The following NDUFA7 variants were observed in gnomAD, a reference collection of about 807,000 sequenced individuals.
NDUFA7 encodes the protein NADH:ubiquinone oxidoreductase subunit A7, also known as NADH dehydrogenase [ubiquinone] 1 alpha subcomplex subunit 7.
NDUFA7 carries 18 observed loss-of-function variants against 14.2 expected under a neutral mutation model. The ratio of observed to expected loss-of-function variants is 1.27; its 90% CI spans 0.88 to 1.88. NDUFA7 has a LOEUF of 1.88. Ranked by LOEUF, NDUFA7 falls within the 40% of genes most tolerant of loss-of-function variation. NDUFA7 has a pLI of 0.00. For missense variants in NDUFA7, 172 were observed against 147.3 expected (o/e 1.17, Z -0.87); for synonymous variants, 75 against 62.1 (o/e 1.21, Z -0.98).
At chr19:8,321,274 C>T in intron 1 of NDUFA7, 34 bp downstream of exon 1, 2 of 1,522,452 alleles carry the variant, frequency 1.3e-6, no homozygotes, top group East Asian at 2.4e-5. Context: ...GAGCCCGAAG[C>T]CCCCCATGGT....
chr19:8,321,363 C>G lies in NDUFA7; in HGVS notation c.-5G>C, dbSNP rs746319778. On this transcript the variant is annotated 5_prime_UTR_variant, in exon 1 of 4. Transcript: ENST00000301457. ...GAGACGGGTGGCGGACGCCATCTTCCGTCCGCGATACTGAAGGGCGCAGCC... is the reference window on the plus strand; with the variant it reads ...GAGACGGGTGGCGGACGCCATCTTCGGTCCGCGATACTGAAGGGCGCAGCC... The G allele has an allele frequency of 2.5e-6, 4 of 1,572,454 alleles. No individual in the cohort carries two copies. Among genetic ancestry groups the G allele is most frequent in the East Asian group, 2.3e-5 (1 of 42,790 alleles).
At position 8,311,506 on chromosome 19, in the gene NDUFA7, C is replaced by A; in HGVS notation, c.341G>T (p.Ter114LeuextTer21). 6.2e-7 allele frequency: 1 copy of A among 1,604,020 alleles called. No individual in the cohort carries two copies. The highest frequency in any genetic ancestry group is 1.1e-5 in the South Asian group (1 of 90,068). ...TCGGGTGGCCGTGAGGGTGCAGTGTCACAGGTAAGGCTGGTCCGAGGACAG... is the reference window on the plus strand; with the variant it reads ...TCGGGTGGCCGTGAGGGTGCAGTGTAACAGGTAAGGCTGGTCCGAGGACAG... Reference protein sequence around the residue: ...WELSSDQPYL* With the variant: ...WELSSDQPYLL The change falls in exon 4 of 4, where the codon TGA becomes TTA. Residue 114 changes from the stop codon to leucine, a stop_lost. Coordinates refer to ENST00000301457, the MANE Select transcript of NDUFA7 (RefSeq NM_005001.5).
At chr19:8,318,883 A>C (rs930842875) in intron 2 of NDUFA7, among the ~76,000 whole-genome samples, 2 of 150,948 alleles carry the variant, frequency 1.3e-5, no homozygotes, top group Admixed American at 1.3e-4. Flanking sequence ...AGGCAGGAGA[A>C]TCACTTGAAC....
At chr19:8,311,642 GA>G (rs1568561451) in intron 3 of NDUFA7, 47 bp from the exon 4 acceptor site, 2 of 1,554,538 alleles carry the variant, frequency 1.3e-6, no homozygotes, top group Non-Finnish European at 1.8e-6. Flanking sequence ...GAACAGTGTG[GA>G]AAGATCTGAG....
chr19:8,311,583 A>G lies in NDUFA7; in HGVS notation c.264T>C (p.Ala88=), dbSNP rs765304347. The change falls in exon 4 of 4, where the codon GCT becomes GCC. Residue 88 remains alanine, a synonymous_variant. Transcript: ENST00000301457. ...SGKPAESSAV[A]ATEKKAVTPA... is the part of the protein sequence containing the mutation. ...GAGTCACCGCCTTCTTCTCAGTGGC[A>G]GCTACAGCAGAGCTGGAGGAGGGAA... 6.2e-7 allele frequency: 1 copy of G among 1,612,458 alleles called. No individual in the cohort carries two copies.
At chr19:8,311,911 C>T (rs981205155) in intron 3 of NDUFA7, among the ~76,000 whole-genome samples, 1 of 152,178 alleles carries the variant, frequency 6.6e-6, no homozygotes, top group African/African-American at 2.4e-5. Context: ...TACACAAGGC[C>T]CCCACCCCCA....
At chr19:8,316,343 C>A (rs1033330378) in intron 3 of NDUFA7, among the ~76,000 whole-genome samples, 153 bp downstream of exon 3, 1 of 151,972 alleles carries the variant, frequency 6.6e-6, no homozygotes, top group Non-Finnish European at 1.5e-5. Context: ...AGTAAATGAG[C>A]TCTCGGACAA....
At chr19:8,321,070 A>C (rs560102985) in intron 1 of NDUFA7, 164 bp from the exon 2 acceptor site, 1 of 893,168 alleles carries the variant, frequency 1.1e-6, no homozygotes, top group Non-Finnish European at 1.7e-6. Context: ...GAGCAAAGCC[A>C]GAGTCCGGGC....
At chr19:8,319,937 C>A (rs1015338747) in intron 2 of NDUFA7, among the ~76,000 whole-genome samples, 3 of 152,268 alleles carry the variant, frequency 2.0e-5, no homozygotes, top group African/African-American at 7.2e-5. Context: ...TATCCACCTC[C>A]TGTGTTCAAG....
At chr19:8,319,120 G>T (rs987580575) in intron 2 of NDUFA7, among the ~76,000 whole-genome samples, 1 of 151,648 alleles carries the variant, frequency 6.6e-6, no homozygotes, top group South Asian at 2.1e-4. Context: ...GTCGGGGGTT[G>T]GGGGGGAGAG....
intron 2 of NDUFA7, 89 bp downstream of exon 2, chr19:8,320,768 C>G (rs2288414): frequency 0.054 from 80,504 of 1,502,462 alleles, 6,006 homozygotes; most frequent in African/African-American, 0.36. Context: ...TGTCAGCCCT[C>G]CGTTTCAGGG....
chr19:8,317,653 A>G (rs947925987), intron 2 of NDUFA7, among the ~76,000 whole-genome samples: 1 of 152,012 alleles, frequency 6.6e-6, no homozygotes, highest in Non-Finnish European at 1.5e-5. Flanking sequence ...CCGGAATTTA[A>G]TTTTTTTCTG....
downstream of NDUFA7, among the ~76,000 whole-genome samples, chr19:8,310,927 T>C (rs866758902): frequency 7.2e-5 from 11 of 151,852 alleles, no homozygotes; most frequent in African/African-American, 2.4e-4. Context: ...TGAGGCAGAA[T>C]TGCTTGAGCC....
intron 1 of NDUFA7, 37 bp from the exon 2 acceptor site, chr19:8,320,943 C>T: frequency 6.2e-7 from 1 of 1,612,194 alleles, no homozygotes. Flanking sequence ...GCCTGCAAGG[C>T]ACCCCAGGAG....
chr19:8,318,664 A>C (rs1393756576), intron 2 of NDUFA7, among the ~76,000 whole-genome samples: 1 of 22,948 alleles, frequency 4.4e-5, no homozygotes, highest in Non-Finnish European at 8.3e-5. Context: ...CCAGTCTTAC[A>C]AAAAAAAAAA....
chr19:8,316,532 G>C lies in NDUFA7; in HGVS notation c.215C>G (p.Ser72Trp), dbSNP rs748877322. The C allele has an allele frequency of 1.9e-6, 3 of 1,614,026 alleles. No individual in the cohort carries two copies. The highest frequency in any genetic ancestry group is 2.5e-6 in the Non-Finnish European group (3 of 1,180,002). The change falls in exon 3 of 4, where the codon TCG becomes TGG. Residue 72 changes from serine to tryptophan, a missense_variant. By Grantham distance (177) the Ser-to-Trp change is radical. Transcript: ENST00000301457. ...CTTGCCTGACACCAGCGCCTTCTGC[G>C]ACGACATGATGATGGAAGGGGGCAC... Reference protein sequence around the residue: ...ESVPPSIIMSSQKALVSGKPA... With the variant: ...ESVPPSIIMSWQKALVSGKPA...
chr19:8,316,646 C>T lies in NDUFA7; in HGVS notation c.102-1G>A. 1 of 1,613,772 alleles carries T rather than the reference C, an allele frequency of 6.2e-7. No homozygotes were observed. The highest frequency in any genetic ancestry group is 2.2e-5 in the East Asian group (1 of 44,872). The stretch of plus-strand genomic sequence containing the variant: ...AGGGAGCTTGGGAGGAGGCTGAGTT[C>T]TGAGGGGAAAAAAGATGAGCACTGA... On this transcript the variant is annotated splice_acceptor_variant, in intron 2 of 3. Transcript: ENST00000301457. LOFTEE classifies it high-confidence loss of function.
downstream of NDUFA7, among the ~76,000 whole-genome samples, chr19:8,309,577 A>C (rs1259025928): frequency 6.6e-6 from 1 of 151,750 alleles, no homozygotes; most frequent in Non-Finnish European, 1.5e-5. Context: ...CACCCTGCCT[A>C]GTCTTTCCTT....
At chr19:8,311,253 A>C (rs1970173107), downstream of NDUFA7, 1 of 258,332 alleles carries the variant, frequency 3.9e-6, no homozygotes, top group Non-Finnish European at 7.4e-6. Flanking sequence ...ATAAAAATAA[A>C]ATCAGGCCAG....
Sources: gnomAD v4.1 joint callset for allele counts (sites outside exome capture counted in the v4.1 genomes callset) on GRCh38, gnomAD v4.1.1 for gene constraint, MANE v1.5 for transcripts, NCBI Gene and HGNC (gene_info 2026-07-23, HGNC 2026-07-21) for gene names.